Variants in MRC1 observed in about 807,000 individuals in gnomAD.
The protein encoded by MRC1 is mannose receptor C-type 1, also known as macrophage mannose receptor 1.
A neutral mutation model predicts 102.9 loss-of-function variants in MRC1; 62 were observed. That is an observed-to-expected ratio of 0.60 (90% CI 0.49 to 0.74). The LOEUF is 0.74. Among genes scored for constraint, MRC1 ranks in the 30% least tolerant of loss-of-function variants. The probability of loss-of-function intolerance (pLI) is 0.00; values close to 1 mark genes in which losing one functional copy is unlikely to be tolerated. For synonymous variants in MRC1, 457 were observed against 298.4 expected (o/e 1.53, Z -5.48); for missense variants, 1,237 against 862.8 (o/e 1.43, Z -5.43).
intron 8 of MRC1, among the ~76,000 whole-genome samples, chr10:17,853,949 T>TG (rs1277720765): frequency 5.3e-5 from 8 of 151,186 alleles, no homozygotes; most frequent in South Asian, 2.1e-4. Flanking sequence ...TGAGGTTTTT[T>TG]TTTTTGTTGT....
In MRC1 at chr10:17,879,707, A is replaced by G; in HGVS notation, c.2619-14A>G. The G allele has an allele frequency of 1.3e-6, 1 of 780,728 alleles. No individual in the cohort carries two copies. Among genetic ancestry groups the G allele is most frequent in the Admixed American group, 1.7e-5 (1 of 59,012 alleles). 48.4% of individuals were successfully genotyped at this position (780,728 alleles called of 1,614,324 possible). On this transcript the variant is annotated splice_polypyrimidine_tract_variant and intron_variant, in intron 18 of 29. Transcript: ENST00000569591. ...GATTGGATCGTTTCAAAATGCCTGA[A>G]TTTTCTTTTCCAGTTGGATGGATGG...
At chr10:17,829,928 T>A (rs2130605387) in intron 3 of MRC1, among the ~76,000 whole-genome samples, 1 of 151,698 alleles carries the variant, frequency 6.6e-6, no homozygotes, top group South Asian at 2.1e-4. Flanking sequence ...TTAGTCTTAT[T>A]ACTTGTATTT....
intron 6 of MRC1, 97 bp from the exon 7 acceptor site, chr10:17,849,482 T>G: frequency 1.5e-6 from 1 of 689,282 alleles, no homozygotes. Flanking sequence ...CTAGTAACTA[T>G]AAGCTGTTTC....
intron 2 of MRC1, among the ~76,000 whole-genome samples, chr10:17,826,072 A>G (rs1024111871): frequency 2.0e-5 from 3 of 152,342 alleles, no homozygotes; most frequent in Admixed American, 6.5e-5. Context: ...CTTGATAATT[A>G]CAATGAGTAA....
chr10:17,896,355 T>C (rs1477890899), intron 23 of MRC1, among the ~76,000 whole-genome samples: 4 of 152,188 alleles, frequency 2.6e-5, no homozygotes, highest in Non-Finnish European at 5.9e-5. Context: ...CCAGTGCATG[T>C]CATTTTTCTC....
intron 5 of MRC1, among the ~76,000 whole-genome samples, chr10:17,844,721 T>C (rs956399214): frequency 2.0e-5 from 3 of 152,172 alleles, no homozygotes; most frequent in Non-Finnish European, 4.4e-5. Context: ...CCAAACTTTG[T>C]TACCCTCCAT....
At chr10:17,851,439 G>A (rs1281609691) in intron 7 of MRC1, among the ~76,000 whole-genome samples, 2 of 151,960 alleles carry the variant, frequency 1.3e-5, no homozygotes, top group East Asian at 1.9e-4. Flanking sequence ...TATATTTCAA[G>A]TGGACACATT....
At chr10:17,865,399 G>C (rs1369607613) in intron 11 of MRC1, 1 of 152,244 alleles carries the variant, frequency 6.6e-6, no homozygotes, top group South Asian at 2.1e-4. Context: ...CTTGGCAGTA[G>C]TGATAAGTCT....
At chr10:17,830,695 G>A (rs1430267565) in intron 3 of MRC1, among the ~76,000 whole-genome samples, 1 of 151,198 alleles carries the variant, frequency 6.6e-6, no homozygotes, top group African/African-American at 2.5e-5. Flanking sequence ...TGAACTCCTT[G>A]GGGAGATGGT....
At chr10:17,901,054 C>T (rs1833822845) in intron 25 of MRC1, 101 bp downstream of exon 25, 1 of 707,022 alleles carries the variant, frequency 1.4e-6, no homozygotes, top group Non-Finnish European at 2.6e-6. Context: ...TCTTGGATAG[C>T]TAAGAATAAT....
At chr10:17,859,207 C>T (rs1833142374) in intron 9 of MRC1, among the ~76,000 whole-genome samples, 1 of 152,036 alleles carries the variant, frequency 6.6e-6, no homozygotes, top group Non-Finnish European at 1.5e-5. Flanking sequence ...TGGATTTATT[C>T]TTTTGTTACC....
At chr10:17,824,836 C>G (rs886676906) in intron 2 of MRC1, among the ~76,000 whole-genome samples, 1 of 151,910 alleles carries the variant, frequency 6.6e-6, no homozygotes, top group East Asian at 1.9e-4. Context: ...CACCCCCTAC[C>G]CTTTCTGTTT....
At chr10:17,861,008 A>G (rs1833176920) in intron 9 of MRC1, among the ~76,000 whole-genome samples, 1 of 152,212 alleles carries the variant, frequency 6.6e-6, no homozygotes, top group Non-Finnish European at 1.5e-5. Context: ...TAGAAAAAGT[A>G]TTAAAATATT....
intron 26 of MRC1, among the ~76,000 whole-genome samples, chr10:17,903,615 C>T (rs1478760966): frequency 4.6e-5 from 7 of 151,970 alleles, no homozygotes; most frequent in African/African-American, 1.2e-4. Context: ...AGGCTGTTTT[C>T]GAACTCCTGA....
intron 9 of MRC1, 56 bp downstream of exon 9, chr10:17,856,408 T>C: frequency 1.2e-6 from 1 of 809,052 alleles, no homozygotes; most frequent in Middle Eastern, 2.2e-4. Context: ...TTGATACCGT[T>C]GGCTTTATTT....
At chr10:17,829,274 C>A (rs1838532150) in intron 3 of MRC1, among the ~76,000 whole-genome samples, 1 of 151,448 alleles carries the variant, frequency 6.6e-6, no homozygotes. Context: ...TAAAAAATAC[C>A]TGAATTTGAC....
At chr10:17,895,112 G>A (rs1328345338) in intron 23 of MRC1, among the ~76,000 whole-genome samples, 3 of 152,242 alleles carry the variant, frequency 2.0e-5, no homozygotes, top group African/African-American at 7.2e-5. Flanking sequence ...CTACCTGGGA[G>A]ACTGAGGTGA....
chr10:17,893,457 T>C (rs1833709787), intron 22 of MRC1, among the ~76,000 whole-genome samples: 1 of 152,212 alleles, frequency 6.6e-6, no homozygotes, highest in South Asian at 2.1e-4. Context: ...GTGCCTGGCC[T>C]TCTCTTACTT....
In MRC1 at chr10:17,828,635, G is replaced by C. The variant is rs919893573; in HGVS notation, c.637+920G>C. ...TTCTTCACAGTGAAAATGATAGTCA[G>C]GATACTCTTCTTATGTTTAAATTAA... On this transcript the variant is annotated intron_variant, in intron 3 of 29. Coordinates refer to ENST00000569591, the MANE Select transcript of MRC1 (RefSeq NM_002438.4). Among the ~76,000 whole-genome samples the C allele has an allele frequency of 1.3e-5, 2 of 151,430 alleles. 1 individual carries two copies. Among genetic ancestry groups the C allele is most frequent in the African/African-American group, 4.9e-5 (2 of 40,764 alleles).
Sources: allele counts gnomAD v4.1 joint callset (sites outside exome capture counted in the v4.1 genomes callset), GRCh38; gene constraint gnomAD v4.1.1; transcripts MANE v1.5; gene names NCBI Gene and HGNC (gene_info 2026-07-23, HGNC 2026-07-21).